KANK1: variants seen among roughly 807,000 people sequenced by gnomAD.
KANK1 encodes KN motif and ankyrin repeat domain-containing protein 1.
In KANK1, 109 loss-of-function variants were observed where a neutral mutation model predicts 106.2. The observed-to-expected ratio is 1.03, with a 90% CI of 0.88 to 1.20. The LOEUF (loss-of-function observed/expected upper bound fraction) is 1.20. KANK1 is among the 50% of genes most tolerant of loss of function. The pLI is 0.00. For missense variants in KANK1, 2,399 were observed against 1,710.7 expected (o/e 1.40, Z -7.10); for synonymous variants, 873 against 652.2 (o/e 1.34, Z -5.16).
chr9:613,368 A>G (rs10758740), intron 1 of KANK1, among the ~76,000 whole-genome samples: 55,687 of 150,756 alleles, frequency 0.37, 12,556 homozygotes, highest in South Asian at 0.58. Context: ...CCTTTATGAC[A>G]AGCTTGTCCA....
chr9:657,992 A>G (rs1186142702), intron 1 of KANK1, among the ~76,000 whole-genome samples: 2 of 152,038 alleles, frequency 1.3e-5, no homozygotes, highest in African/African-American at 2.4e-5. Context: ...CTCCTGTCTC[A>G]GCCTCACAAG....
intron 1 of KANK1, among the ~76,000 whole-genome samples, chr9:526,594 A>G (rs1022495036): frequency 3.3e-5 from 5 of 151,748 alleles, no homozygotes; most frequent in East Asian, 3.8e-4. Context: ...AAATTTAGCA[A>G]TGTTTTATGT....
At chr9:543,225 C>T (rs2060715029) in intron 1 of KANK1, among the ~76,000 whole-genome samples, 4 of 151,928 alleles carry the variant, frequency 2.6e-5, no homozygotes, top group South Asian at 4.2e-4. Context: ...TGTCACCCAA[C>T]GTATTTATTA....
At chr9:725,956 T>C (rs59358367) in intron 3 of KANK1, among the ~76,000 whole-genome samples, 11,443 of 152,224 alleles carry the variant, frequency 0.075, 1,006 homozygotes, top group African/African-American at 0.2. Flanking sequence ...TAAAGTATAA[T>C]TTAGGAAATA....
At chr9:662,441 G>A (rs9407342) in intron 1 of KANK1, among the ~76,000 whole-genome samples, 135,872 of 152,130 alleles carry the variant, frequency 0.89, 60,813 homozygotes, top group East Asian at 0.97. Context: ...ACAAGGCTTC[G>A]GTAACCAAAA....
intron 1 of KANK1, among the ~76,000 whole-genome samples, chr9:639,113 T>G (rs990290377): frequency 3.9e-5 from 6 of 152,152 alleles, no homozygotes; most frequent in African/African-American, 1.4e-4. Context: ...CCCACACATC[T>G]GATTGCTGAA....
At chr9:701,429 A>G (rs1404205165) in intron 2 of KANK1, among the ~76,000 whole-genome samples, 3 of 152,198 alleles carry the variant, frequency 2.0e-5, no homozygotes, top group African/African-American at 7.2e-5. Context: ...TATGGCCAAA[A>G]TTTCAGTTGC....
chr9:713,614 A>T, intron 3 of KANK1, 150 bp downstream of exon 3: 1 of 863,688 alleles, frequency 1.2e-6, no homozygotes, highest in Non-Finnish European at 1.7e-6. Context: ...GAAAACTAAG[A>T]ATCAAAATCC....
intron 1 of KANK1, among the ~76,000 whole-genome samples, chr9:592,145 A>G (rs1364990880): frequency 6.6e-6 from 1 of 151,724 alleles, no homozygotes; most frequent in Non-Finnish European, 1.5e-5. Context: ...TTCTTGGAAG[A>G]GGTTTTGCAA....
chr9:658,149 A>T (rs1248559210), intron 1 of KANK1, among the ~76,000 whole-genome samples: 1 of 152,112 alleles, frequency 6.6e-6, no homozygotes, highest in Non-Finnish European at 1.5e-5. Flanking sequence ...TATTCCTGGA[A>T]TGTCCAGTGT....
intron 3 of KANK1, among the ~76,000 whole-genome samples, chr9:718,953 CTTT>C (rs35097931): frequency 4.2e-4 from 33 of 78,308 alleles, no homozygotes; most frequent in African/African-American, 1.6e-3. Flanking sequence ...TGCTCGAGCC[CTTT>C]TTTTTTTTTT....
Position 528,469 on chromosome 9 carries a change from C to CT in KANK1, c.-84+23745dup, listed in dbSNP as rs36072780. 7.8e-3 allele frequency among the ~76,000 whole-genome samples: 660 copies of CT among 85,074 alleles called. 90 individuals carry two copies. The highest frequency in any genetic ancestry group is 0.021 in the African/African-American group (507 of 23,598). 55.8% of individuals were successfully genotyped at this position (85,074 alleles called of 152,430 possible). Reference sequence around the variant, plus strand: ...ACCATTTTACTGAATTAAAAAATAACTTTTTTTTTTTTTTTTTTTTTTTTT... The same window carrying CT: ...ACCATTTTACTGAATTAAAAAATAACTTTTTTTTTTTTTTTTTTTTTTTTTT... On this transcript the variant is annotated intron_variant, in intron 1 of 11. Coordinates refer to ENST00000382297, the MANE Select transcript of KANK1 (RefSeq NM_015158.5).
At chr9:737,599 G>A (rs780474045) in intron 7 of KANK1, among the ~76,000 whole-genome samples, 6 of 152,330 alleles carry the variant, frequency 3.9e-5, no homozygotes, top group East Asian at 1.9e-4. Context: ...GGAAGTCAGA[G>A]TGGAGCTGAT....
chr9:501,334 G>T (rs1297979739), upstream of KANK1, among the ~76,000 whole-genome samples: 1 of 151,940 alleles, frequency 6.6e-6, no homozygotes, highest in African/African-American at 2.4e-5. Flanking sequence ...CTGCCCCCAA[G>T]GTTTTCAGTA....
intron 1 of KANK1, among the ~76,000 whole-genome samples, chr9:544,533 A>G (rs886260810): frequency 1.3e-5 from 2 of 152,242 alleles, no homozygotes; most frequent in Non-Finnish European, 2.9e-5. Flanking sequence ...ATGTGGAGGA[A>G]TAAGTGAGGC....
At chr9:724,774 G>A (rs1160520135) in intron 3 of KANK1, among the ~76,000 whole-genome samples, 1 of 151,730 alleles carries the variant, frequency 6.6e-6, no homozygotes, top group African/African-American at 2.4e-5. Context: ...TGCATTCCAG[G>A]CTGGGCGACA....
chr9:683,650 A>C (rs1194493182), intron 2 of KANK1, among the ~76,000 whole-genome samples: 1 of 152,232 alleles, frequency 6.6e-6, no homozygotes, highest in Admixed American at 6.5e-5. Context: ...AAACTGCATA[A>C]AACCCTAAAG....
At chr9:653,098 C>T (rs370176069) in intron 1 of KANK1, among the ~76,000 whole-genome samples, 15 of 152,278 alleles carry the variant, frequency 9.9e-5, no homozygotes, top group South Asian at 8.3e-4. Context: ...TATTTAGCAA[C>T]GTCAGCTCAA....
At chr9:722,427 C>T (rs914652558) in intron 3 of KANK1, among the ~76,000 whole-genome samples, 1 of 152,102 alleles carries the variant, frequency 6.6e-6, no homozygotes, top group African/African-American at 2.4e-5. Flanking sequence ...ACCCTCGATT[C>T]AGGTGATTCT....
Sources: gnomAD v4.1 joint callset for allele counts (sites outside exome capture counted in the v4.1 genomes callset) on GRCh38, gnomAD v4.1.1 for gene constraint, MANE v1.5 for transcripts, NCBI Gene and HGNC (gene_info 2026-07-23, HGNC 2026-07-21) for gene names.